HTT: variants seen among roughly 807,000 people sequenced by gnomAD.
HTT encodes the protein huntingtin.
A neutral mutation model predicts 362.3 loss-of-function variants in HTT; 104 were observed. The observed-to-expected ratio is 0.29, with a 90% CI of 0.24 to 0.34. The LOEUF is 0.34. HTT is among the 10% of genes least tolerant of loss of function. HTT has a pLI of 1.00. For missense variants in HTT, 3,301 were observed against 3,928.6 expected, an observed-to-expected ratio of 0.84 and a Z score of 4.27; for synonymous variants, 1,577 against 1,548.7, an observed-to-expected ratio of 1.02 and a Z score of -0.43.
At chr4:3,133,052 C>T (rs1335384313) in intron 18 of HTT, 141 bp downstream of exon 18, 2 of 679,770 alleles carry the variant, frequency 2.9e-6, no homozygotes, top group Non-Finnish European at 5.2e-6. Context: ...ATCCATCTCT[C>T]AGCTTTAGAA....
At chr4:3,235,245 T>G in intron 61 of HTT, 39 bp from the exon 62 acceptor site, 1 of 1,357,618 alleles carries the variant, frequency 7.4e-7, no homozygotes, top group Non-Finnish European at 1.1e-6. Flanking sequence ...CCACGTTGGA[T>G]GGGGGTGGCT....
chr4:3,160,874 ATTTTCT>A (rs1717407463), intron 29 of HTT, among the ~76,000 whole-genome samples: 1 of 151,148 alleles, frequency 6.6e-6, no homozygotes, highest in Non-Finnish European at 1.5e-5. Context: ...AGTCTCGTAG[ATTTTCT>A]TTTTCTTTTT....
intron 10 of HTT, among the ~76,000 whole-genome samples, chr4:3,124,576 C>G (rs1314277637): frequency 6.6e-6 from 1 of 152,160 alleles, no homozygotes; most frequent in East Asian, 1.9e-4. Flanking sequence ...GGGGACGGCT[C>G]TGTGGAACAT....
chr4:3,229,155 C>T (rs1028198355), intron 59 of HTT, 146 bp downstream of exon 59: 28 of 727,348 alleles, frequency 3.8e-5, no homozygotes, highest in Non-Finnish European at 5.9e-5. Flanking sequence ...GCCACACGCA[C>T]CATAGACACC....
At chr4:3,172,546 G>A in intron 30 of HTT, 149 bp downstream of exon 30, 2 of 685,984 alleles carry the variant, frequency 2.9e-6, no homozygotes, top group Non-Finnish European at 5.3e-6. Context: ...GTCCATGATT[G>A]AGCCAAGAGG....
At chr4:3,079,230 G>T (rs1021228732) in intron 1 of HTT, among the ~76,000 whole-genome samples, 22 of 150,594 alleles carry the variant, frequency 1.5e-4, no homozygotes, top group Non-Finnish European at 2.2e-4. Context: ...TTCAGGGAAG[G>T]TCCACTGAGA....
intron 6 of HTT, among the ~76,000 whole-genome samples, chr4:3,108,132 A>G (rs1036795685): frequency 1.3e-5 from 2 of 152,216 alleles, no homozygotes; most frequent in Non-Finnish European, 2.9e-5. Context: ...AATGGGACCC[A>G]TATAGGGCAA....
chr4:3,145,862 T>C (rs970645704), intron 24 of HTT, among the ~76,000 whole-genome samples: 3 of 152,244 alleles, frequency 2.0e-5, no homozygotes, highest in Non-Finnish European at 4.4e-5. Context: ...TTATCTGCTC[T>C]AGAATGATTG....
intron 45 of HTT, among the ~76,000 whole-genome samples, chr4:3,208,263 T>A (rs1469616214): frequency 6.6e-6 from 1 of 152,234 alleles, no homozygotes; most frequent in Non-Finnish European, 1.5e-5. Context: ...CTATTATTAC[T>A]TTTTGACCCT....
At chr4:3,179,126 G>A (rs542821594) in intron 35 of HTT, among the ~76,000 whole-genome samples, 3 of 152,292 alleles carry the variant, frequency 2.0e-5, no homozygotes, top group Non-Finnish European at 4.4e-5. Flanking sequence ...CAAACTCCCA[G>A]ATGTGAGAAT....
At position 3,075,080 on chromosome 4, in the gene HTT, G is replaced by T. The variant is rs1336139898; in HGVS notation, c.255G>T (p.Leu85=). The T allele has an allele frequency of 8.1e-7, 1 of 1,237,132 alleles. No homozygotes were observed. The highest frequency in any genetic ancestry group is 1.0e-6 in the Non-Finnish European group (1 of 994,566). The allele number at this position is 1,237,132 out of a possible 1,614,324, so 76.6% of individuals were successfully genotyped here. Residue 85 remains leucine (L), a synonymous_variant, in exon 1 of 67, where the codon CTG becomes CTT. Transcript: ENST00000355072. ...PPGPAVAEEP[L]HRPKKELSAT... Reference sequence around the variant, plus strand: ...GCCCGGCTGTGGCTGAGGAGCCGCTGCACCGACCGTGAGTTTGGGCCCGCT... The same window carrying T: ...GCCCGGCTGTGGCTGAGGAGCCGCTTCACCGACCGTGAGTTTGGGCCCGCT...
In HTT at chr4:3,229,992, G is replaced by C. The variant is rs772607321; in HGVS notation, c.8215G>C (p.Ala2739Pro). The change falls in exon 60 of 67, where the codon GCT becomes CCT. Residue 2739 changes from alanine to proline, a missense_variant. Coordinates refer to ENST00000355072, the MANE Select transcript of HTT (RefSeq NM_001388492.1). The stretch of plus-strand genomic sequence containing the variant: ...GCACCCTTCAGAAGACGAGATCCTC[G>C]CTCAGTACCTGGTGCCTGCCACCTG... ...RVHPSEDEILAQYLVPATCKA... is the reference protein window; with the variant it reads ...RVHPSEDEILPQYLVPATCKA... 3.7e-6 allele frequency: 6 copies of C among 1,613,946 alleles called. No individual in the cohort carries two copies. Among genetic ancestry groups the C allele is most frequent in the African/African-American group, 1.3e-5 (1 of 74,940 alleles).
chr4:3,229,367 C>T (rs1721107438), intron 59 of HTT, among the ~76,000 whole-genome samples: 2 of 148,952 alleles, frequency 1.3e-5, no homozygotes, highest in African/African-American at 5.0e-5. Flanking sequence ...ATGCACACAA[C>T]ACACACATGC....
intron 47 of HTT, among the ~76,000 whole-genome samples, chr4:3,210,490 TGTA>T (rs1057086620): frequency 2.1e-4 from 32 of 152,308 alleles, no homozygotes; most frequent in African/African-American, 7.0e-4. Context: ...CTCTGTTAGA[TGTA>T]GTGAGGTTCT....
Position 3,116,092 on chromosome 4 carries a change from C to G in HTT, c.897C>G (p.Leu299=), listed in dbSNP as rs776923517. 1 of 1,609,180 alleles carries G rather than the reference C, an allele frequency of 6.2e-7. No individual in the cohort carries two copies. Among genetic ancestry groups the G allele is most frequent in the Non-Finnish European group, 8.5e-7 (1 of 1,176,982 alleles). The part of the protein sequence containing the change: ...SWLLNVLLGL[L]VPVEDEHSTL... ...TTGCTTCCACCCCCACAGGCTTACT[C>G]GTTCCTGTCGAGGATGAACACTCCA... The change falls in exon 8 of 67, where the codon CTC becomes CTG. Residue 299 remains leucine, a synonymous_variant. Transcript: ENST00000355072.
chr4:3,229,986 A>G lies in HTT; in HGVS notation c.8209A>G (p.Ile2737Val), dbSNP rs1174690138. ...LRRVHPSEDEILAQYLVPATC... is the reference protein window; with the variant it reads ...LRRVHPSEDEVLAQYLVPATC... ...AAGGGTGCACCCTTCAGAAGACGAG[A>G]TCCTCGCTCAGTACCTGGTGCCTGC... The change falls in exon 60 of 67, where the codon ATC becomes GTC. Residue 2737 changes from isoleucine to valine, a missense_variant. Transcript: ENST00000355072. 6.2e-7 allele frequency: 1 copy of G among 1,614,012 alleles called. No individual in the cohort carries two copies. The highest frequency in any genetic ancestry group is 1.1e-5 in the South Asian group (1 of 91,074).
chr4:3,126,209 C>T (rs1039310414), intron 11 of HTT, among the ~76,000 whole-genome samples: 1 of 151,934 alleles, frequency 6.6e-6, no homozygotes, highest in Admixed American at 6.6e-5. Context: ...CCCGCCACCA[C>T]GCTTGGCTAA....
chr4:3,152,914 G>C (rs540764685), intron 26 of HTT, among the ~76,000 whole-genome samples: 1 of 151,200 alleles, frequency 6.6e-6, no homozygotes, highest in South Asian at 2.1e-4. Flanking sequence ...GCCTCCCAAA[G>C]TGCTGGGATT....
In HTT at chr4:3,182,346, T is replaced by A; in HGVS notation, c.4750-8T>A. The A allele has an allele frequency of 6.3e-7, 1 of 1,590,578 alleles. No homozygotes were observed. The highest frequency in any genetic ancestry group is 1.1e-5 in the South Asian group (1 of 90,524). ...CAGCAGACTTTCTAATTGTGCACGCTCTTATAGGTGTTGGAGATGTTCATT... is the reference window on the plus strand; with the variant it reads ...CAGCAGACTTTCTAATTGTGCACGCACTTATAGGTGTTGGAGATGTTCATT... On this transcript the variant is annotated splice_polypyrimidine_tract_variant and splice_region_variant and intron_variant, in intron 36 of 66. Coordinates refer to ENST00000355072, the MANE Select transcript of HTT (RefSeq NM_001388492.1).
Sources: allele counts gnomAD v4.1 joint callset (sites outside exome capture counted in the v4.1 genomes callset), GRCh38; gene constraint gnomAD v4.1.1; transcripts MANE v1.5; gene names NCBI Gene and HGNC (gene_info 2026-07-23, HGNC 2026-07-21).